C14orf132: variants seen among roughly 807,000 people sequenced by gnomAD.
C14orf132 encodes the protein uncharacterized protein C14orf132.
A neutral mutation model predicts 5.8 loss-of-function variants in C14orf132; 6 were observed. The ratio of observed to expected loss-of-function variants is 1.03; its 90% CI spans 0.57 to 2.04. The LOEUF is 2.04. Ranked by LOEUF, C14orf132 falls within the 30% of genes most tolerant of loss-of-function variation. The pLI is 0.00. For synonymous variants in C14orf132, 51 were observed against 49.8 expected, an observed-to-expected ratio of 1.02 and a Z score of -0.10; for missense variants, 125 against 115.8, an observed-to-expected ratio of 1.08 and a Z score of -0.37.
At position 96,056,452 on chromosome 14, in the gene C14orf132, A is replaced by G. The variant is rs936733176; in HGVS notation, c.27+16925A>G. ...GCTGGGCTCCGCTGAGGAACTCAGC[A>G]CTGCATAGTGGTCAAGGGTTTCAGA... On this transcript the variant is annotated intron_variant, in intron 1 of 1. Coordinates refer to ENST00000555004, the MANE Select transcript of C14orf132 (RefSeq NM_001252507.3). Among the ~76,000 whole-genome samples, 12 of 152,316 alleles carry G rather than the reference A, an allele frequency of 7.9e-5. 1 individual carries two copies. The highest frequency in any genetic ancestry group is 3.9e-4 in the East Asian group (2 of 5,176).
intron 1 of C14orf132, among the ~76,000 whole-genome samples, chr14:96,069,336 G>A (rs1423330724): frequency 1.5e-5 from 2 of 137,826 alleles, no homozygotes; most frequent in Non-Finnish European, 3.1e-5. Flanking sequence ...TGGAGAACCC[G>A]GACTAACACA....
intron 1 of C14orf132, among the ~76,000 whole-genome samples, chr14:96,085,007 C>T (rs1888137609): frequency 6.6e-6 from 1 of 152,214 alleles, no homozygotes; most frequent in African/African-American, 2.4e-5. Context: ...GGAGCCTGAC[C>T]CTGAAGCCCA....
At chr14:96,063,420 T>G (rs1887423104) in intron 1 of C14orf132, among the ~76,000 whole-genome samples, 1 of 152,146 alleles carries the variant, frequency 6.6e-6, no homozygotes, top group African/African-American at 2.4e-5. Flanking sequence ...GTGATTCTCC[T>G]GCCTCAGCCT....
chr14:96,067,939 G>A (rs1164404161), intron 1 of C14orf132, among the ~76,000 whole-genome samples: 3 of 152,100 alleles, frequency 2.0e-5, no homozygotes, highest in Non-Finnish European at 4.4e-5. Flanking sequence ...TGTCAAACAA[G>A]GGTGACGATA....
chr14:96,051,223 G>C, intron 1 of C14orf132: 1 of 398,662 alleles, frequency 2.5e-6, no homozygotes, highest in Non-Finnish European at 4.4e-6. Context: ...GTTCTTCCAG[G>C]TATCCTGTGA....
intron 1 of C14orf132, among the ~76,000 whole-genome samples, chr14:96,057,751 G>A (rs868517105): frequency 6.6e-6 from 1 of 152,168 alleles, no homozygotes; most frequent in Non-Finnish European, 1.5e-5. Flanking sequence ...GGAAAATCAC[G>A]TGGTGCTAGT....
At chr14:96,081,878 G>A (rs1439559256) in intron 1 of C14orf132, among the ~76,000 whole-genome samples, 2 of 152,098 alleles carry the variant, frequency 1.3e-5, no homozygotes, top group Non-Finnish European at 2.9e-5. Context: ...GGGATTACAG[G>A]CATGAGTCAC....
At chr14:96,061,975 A>T (rs1887371681) in intron 1 of C14orf132, among the ~76,000 whole-genome samples, 1 of 152,200 alleles carries the variant, frequency 6.6e-6, no homozygotes, top group Middle Eastern at 3.2e-3. Flanking sequence ...CAGCTTTCTT[A>T]CAAATGCTCA....
chr14:96,072,197 G>A (rs566813294), intron 1 of C14orf132, among the ~76,000 whole-genome samples: 39 of 152,322 alleles, frequency 2.6e-4, no homozygotes, highest in Admixed American at 1.7e-3. Flanking sequence ...CAGGCCTGTC[G>A]AAACACCACA....
intron 1 of C14orf132, among the ~76,000 whole-genome samples, chr14:96,055,542 C>T (rs995084982): frequency 7.9e-5 from 12 of 152,120 alleles, no homozygotes; most frequent in Non-Finnish European, 1.0e-4. Context: ...TCACAAATGC[C>T]GCTGCGTACA....
chr14:96,042,814 C>A (rs770537830), intron 1 of C14orf132, among the ~76,000 whole-genome samples: 1 of 152,202 alleles, frequency 6.6e-6, no homozygotes, highest in African/African-American at 2.4e-5. Context: ...CTCCCCTACC[C>A]TGGAAACACC....
chr14:96,077,967 G>A (rs967571600), intron 1 of C14orf132, among the ~76,000 whole-genome samples: 1 of 152,224 alleles, frequency 6.6e-6, no homozygotes, highest in Non-Finnish European at 1.5e-5. Flanking sequence ...AACTTAGGGG[G>A]TTCCCTTCTC....
rs1377335356 is a variant in C14orf132 at position 96,092,815 on chromosome 14, G to A, written c.*6080G>A. The A allele has an allele frequency of 6.6e-6, 1 of 152,158 alleles. No individual in the cohort carries two copies. The highest frequency in any genetic ancestry group is 1.5e-5 in the Non-Finnish European group (1 of 68,032). 9.4% of individuals were successfully genotyped at this position (152,158 alleles called of 1,614,324 possible). A position where few individuals can be genotyped will look rare whatever the true frequency, so the allele number is the denominator to read the frequency against. ...ATGAGGCCAGTCGTTCTCAAGGAAG[G>A]GCTGGGGGCCATCAGCAATGTCTGG... On this transcript the variant is annotated 3_prime_UTR_variant, in exon 2 of 2. Transcript: ENST00000555004.
At chr14:96,064,393 C>CAG (rs771778523) in intron 1 of C14orf132, among the ~76,000 whole-genome samples, 6 of 146,334 alleles carry the variant, frequency 4.1e-5, no homozygotes, top group Admixed American at 4.1e-4. Context: ...CACACACACA[C>CAG]ATATACATAT....
intron 1 of C14orf132, among the ~76,000 whole-genome samples, chr14:96,069,335 C>T (rs371976098): frequency 4.0e-4 from 56 of 139,438 alleles, no homozygotes; most frequent in African/African-American, 1.3e-3. Context: ...CTGGAGAACC[C>T]GGACTAACAC....
chr14:96,073,243 C>T (rs1046458219), intron 1 of C14orf132, among the ~76,000 whole-genome samples: 6 of 151,998 alleles, frequency 3.9e-5, no homozygotes, highest in African/African-American at 1.5e-4. Context: ...TGATGAACAC[C>T]TTTTCAAGTG....
intron 1 of C14orf132, among the ~76,000 whole-genome samples, chr14:96,053,451 C>G (rs1293754764): frequency 1.3e-5 from 2 of 152,340 alleles, no homozygotes; most frequent in South Asian, 2.1e-4. Context: ...CAGAGAGGTG[C>G]CCAGTACATG....
intron 1 of C14orf132, among the ~76,000 whole-genome samples, chr14:96,055,493 T>C (rs956265610): frequency 1.3e-5 from 2 of 152,188 alleles, no homozygotes; most frequent in African/African-American, 4.8e-5. Context: ...CAGGATTCTA[T>C]GGAGAATTGC....
At chr14:96,074,008 G>A (rs1161444297) in intron 1 of C14orf132, among the ~76,000 whole-genome samples, 1 of 152,112 alleles carries the variant, frequency 6.6e-6, no homozygotes, top group Admixed American at 6.6e-5. Flanking sequence ...GGACACATGG[G>A]GGACACTGGG....
Sources: gnomAD v4.1 joint callset for allele counts (sites outside exome capture counted in the v4.1 genomes callset) on GRCh38, gnomAD v4.1.1 for gene constraint, MANE v1.5 for transcripts, NCBI Gene and HGNC (gene_info 2026-07-23, HGNC 2026-07-21) for gene names.